TBL2: variants seen among roughly 807,000 people sequenced by gnomAD.
TBL2 encodes the protein transducin beta-like protein 2.
Under a neutral mutation model 41.8 loss-of-function variants are expected in TBL2, and 33 were observed. The ratio of observed to expected loss-of-function variants is 0.79; its 90% CI spans 0.60 to 1.06. The LOEUF (loss-of-function observed/expected upper bound fraction) is 1.06, where lower values mean the gene tolerates loss of function less well. Ranked by LOEUF, TBL2 falls within the 50% of genes least tolerant of loss-of-function variation. TBL2 has a pLI of 0.00. For missense variants in TBL2, 522 were observed against 603.8 expected (o/e 0.86, Z 1.42); for synonymous variants, 239 against 241.7 (o/e 0.99, Z 0.10).
rs1215656056 is a variant in TBL2 at position 73,573,932 on chromosome 7, T to C, written c.446+6A>G. On this transcript the variant is annotated splice_donor_region_variant and intron_variant, in intron 3 of 6. Coordinates refer to ENST00000305632, the MANE Select transcript of TBL2 (RefSeq NM_012453.4). ...CAGGCAAACCTGAGGCTCCGTCTTG[T>C]CCCACCTGCAGTCAGGGCTGAAGCG... The C allele has an allele frequency of 3.1e-6, 5 of 1,612,480 alleles. No individual in the cohort carries two copies. Among genetic ancestry groups the C allele is most frequent in the Non-Finnish European group, 3.4e-6 (4 of 1,179,918 alleles).
chr7:73,571,761 GAAA>G (rs797027909), intron 5 of TBL2: 36 of 76,054 alleles, frequency 4.7e-4, no homozygotes, highest in Admixed American at 1.3e-3. Context: ...GACTGTCTCA[GAAA>G]AAAAAAAAAA....
chr7:73,573,853 C>T, intron 3 of TBL2, 85 bp downstream of exon 3: 1 of 1,531,360 alleles, frequency 6.5e-7, no homozygotes, highest in Non-Finnish European at 8.8e-7. Context: ...CCAGGTCCCT[C>T]CTCACTACCT....
At chr7:73,577,157 A>T (rs1163581425) in intron 1 of TBL2, among the ~76,000 whole-genome samples, 1 of 150,350 alleles carries the variant, frequency 6.7e-6, no homozygotes, top group East Asian at 2.0e-4. Context: ...GCTACTCAGG[A>T]GGCTGAGGCA....
Position 73,574,057 on chromosome 7 carries a change from T to TGCA in TBL2, c.324_326dup (p.Ala109dup), listed in dbSNP as rs1793140541. ...TCCAGATGCGGATGGTGCGATCATC[T>TGCA]GCACAGGTAGCCAGGTATTTGCCAT... On this transcript the variant is annotated inframe_insertion, in exon 3 of 7. Coordinates refer to ENST00000305632, the MANE Select transcript of TBL2 (RefSeq NM_012453.4). 3.1e-6 allele frequency: 5 copies of TGCA among 1,614,200 alleles called. No homozygotes were observed. Among genetic ancestry groups the TGCA allele is most frequent in the Non-Finnish European group, 4.2e-6 (5 of 1,180,022 alleles).
At position 73,573,262 on chromosome 7, in the gene TBL2, T is replaced by C. The variant is rs1398532959; in HGVS notation, c.598+58A>G. On this transcript the variant is annotated intron_variant, in intron 4 of 6. Transcript: ENST00000305632. ...AGGCAGCATTAACTCATTGAGGAAA[T>C]AGAACTGGATCTTTCCTTCATGCTT... 5 of 1,597,860 alleles carry C rather than the reference T, an allele frequency of 3.1e-6. No individual in the cohort carries two copies. The African/African-American group carries it at 4.0e-5, about 13-fold the overall frequency.
At chr7:73,577,569 T>G (rs1481765863) in intron 1 of TBL2, among the ~76,000 whole-genome samples, 1 of 152,188 alleles carries the variant, frequency 6.6e-6, no homozygotes, top group South Asian at 2.1e-4. Context: ...AGCGAAACTC[T>G]GTCTGAAAAA....
chr7:73,574,071 G>T lies in TBL2; in HGVS notation c.313C>A (p.Leu105Met). Residue 105 changes from leucine (L) to methionine (M), a missense_variant, in exon 3 of 7, where the codon CTG becomes ATG. Physicochemically the swap from Leu to Met is conservative, Grantham distance 15. Coordinates refer to ENST00000305632, the MANE Select transcript of TBL2 (RefSeq NM_012453.4). ...GTGCGATCATCTGCACAGGTAGCCAGGTATTTGCCATTGCTGCTAAAGTCC... is the reference window on the plus strand; with the variant it reads ...GTGCGATCATCTGCACAGGTAGCCATGTATTTGCCATTGCTGCTAAAGTCC... ...CMDFSSNGKY[L>M]ATCADDRTIR... The T allele has an allele frequency of 6.2e-7, 1 of 1,614,202 alleles. No individual in the cohort carries two copies.
chr7:73,576,747 C>T, intron 1 of TBL2: 1 of 456,072 alleles, frequency 2.2e-6, no homozygotes, highest in Non-Finnish European at 4.4e-6. Context: ...TCCTTCTCTC[C>T]AGGCATGTCT....
intron 1 of TBL2, 23 bp downstream of exon 1, chr7:73,578,397 C>T (rs972550156): frequency 3.3e-5 from 51 of 1,524,296 alleles, no homozygotes; most frequent in Non-Finnish European, 4.5e-5. Context: ...CGGGCCGCCC[C>T]CACCCGACCC....
chr7:73,578,029 A>G, intron 1 of TBL2: 2 of 504,416 alleles, frequency 4.0e-6, no homozygotes, highest in Non-Finnish European at 6.9e-6. Flanking sequence ...CCTTACAGAA[A>G]AAGACCCCAA....
chr7:73,573,345 G>C lies in TBL2; in HGVS notation c.573C>G (p.Val191=), dbSNP rs181232035. 5.6e-5 allele frequency: 91 copies of C among 1,614,188 alleles called. No homozygotes were observed. The African/African-American group carries it at 1.1e-3, about 19-fold the overall frequency. Residue 191 remains valine (V), a synonymous_variant, in exon 4 of 7, where the codon GTC becomes GTG. Coordinates refer to ENST00000305632, the MANE Select transcript of TBL2 (RefSeq NM_012453.4). Reference sequence around the variant, plus strand: ...CTGTGTTAGCAATGCCAATGTCGATGACAGGCGCCTTGTGCTTTTTAGGGA... The same window carrying C: ...CTGTGTTAGCAATGCCAATGTCGATCACAGGCGCCTTGTGCTTTTTAGGGA... ...EDFPKKHKAP[V]IDIGIANTGK...
Position 73,568,474 on chromosome 7 carries a change from G to A in TBL2, c.*2033C>T, listed in dbSNP as rs1446686387. Among the ~76,000 whole-genome samples the A allele has an allele frequency of 3.3e-5, 5 of 152,082 alleles. No individual in the cohort carries two copies. The highest frequency in any genetic ancestry group is 4.8e-5 in the African/African-American group (2 of 41,404). ...CATCCTGCAGGCAGGACACAAGCCC[G>A]CCCTCCAGCTCACTTCTGTCCCCAC... is the stretch of plus-strand genomic sequence containing the variant. On this transcript the variant is annotated 3_prime_UTR_variant, in exon 7 of 7. Coordinates refer to ENST00000305632, the MANE Select transcript of TBL2 (RefSeq NM_012453.4).
In TBL2 at chr7:73,568,071, A is replaced by G. The variant is rs1328910490; in HGVS notation, c.*2436T>C. Reference sequence around the variant, plus strand: ...AATACTCCTCAGGCCTTGTGTGCACAGCATTGCCAAAAGTCTGTGGTTAGG... The same window carrying G: ...AATACTCCTCAGGCCTTGTGTGCACGGCATTGCCAAAAGTCTGTGGTTAGG... On this transcript the variant is annotated 3_prime_UTR_variant, in exon 7 of 7. Transcript: ENST00000305632. Among the ~76,000 whole-genome samples the G allele has an allele frequency of 2.0e-5, 3 of 152,206 alleles. 1 individual carries two copies. Among genetic ancestry groups the G allele is most frequent in the African/African-American group, 7.2e-5 (3 of 41,450 alleles).
intron 2 of TBL2, 88 bp from the exon 3 acceptor site, chr7:73,574,210 G>A: frequency 6.4e-7 from 1 of 1,555,332 alleles, no homozygotes; most frequent in Non-Finnish European, 8.7e-7. Flanking sequence ...GGGGCCCTGT[G>A]GCCTGGATTA....
intron 1 of TBL2, chr7:73,577,861 C>T (rs1002955429): frequency 7.7e-5 from 14 of 182,414 alleles, no homozygotes; most frequent in Non-Finnish European, 1.5e-4. Context: ...TGGTCCCAAA[C>T]TCCTGGGCTC....
chr7:73,577,487 T>C (rs1298254278), intron 1 of TBL2, among the ~76,000 whole-genome samples: 1 of 152,066 alleles, frequency 6.6e-6, no homozygotes, highest in African/African-American at 2.4e-5. Context: ...GGCAGAAGAA[T>C]CGCTTGAACC....
chr7:73,570,844 C>T lies in TBL2; in HGVS notation c.1007G>A (p.Arg336His), dbSNP rs782071345. 2.5e-5 allele frequency: 41 copies of T among 1,613,632 alleles called. No homozygotes were observed. The highest frequency in any genetic ancestry group is 8.9e-5 in the East Asian group (4 of 44,904). Residue 336 changes from arginine (R) to histidine (H), a missense_variant, in exon 7 of 7, where the codon CGC becomes CAC. Coordinates refer to ENST00000305632, the MANE Select transcript of TBL2 (RefSeq NM_012453.4). The part of the protein sequence containing the change: ...FEEAAGAAPC[R>H]LALSPNAQVL... ...CTGGGCGTTGGGGGAGAGGGCCAGG[C>T]GGCACGGCGCGGCACCCGCCGCCTC...
chr7:73,578,306 G>A (rs1554589411), intron 1 of TBL2, 114 bp downstream of exon 1: 4 of 1,535,342 alleles, frequency 2.6e-6, no homozygotes, highest in Non-Finnish European at 1.7e-6. Flanking sequence ...AGAAACTGAG[G>A]CCCATGGAGT....
intron 2 of TBL2, 94 bp downstream of exon 2, chr7:73,574,289 G>C: frequency 6.4e-7 from 1 of 1,558,922 alleles, no homozygotes; most frequent in Non-Finnish European, 8.7e-7. Flanking sequence ...TCTGATCAGA[G>C]GCAGGAGAGC....
Sources: gnomAD v4.1 joint callset for allele counts (sites outside exome capture counted in the v4.1 genomes callset) on GRCh38, gnomAD v4.1.1 for gene constraint, MANE v1.5 for transcripts, NCBI Gene and HGNC (gene_info 2026-07-23, HGNC 2026-07-21) for gene names.